The following GRIP1 variants were observed in gnomAD, a reference collection of about 807,000 sequenced individuals.
GRIP1 encodes the protein glutamate receptor-interacting protein 1.
Under a neutral mutation model 129.9 loss-of-function variants are expected in GRIP1, and 45 were observed. The ratio of observed to expected loss-of-function variants is 0.35; its 90% confidence interval spans 0.27 to 0.44. The LOEUF (loss-of-function observed/expected upper bound fraction) is 0.44. GRIP1 is among the 20% of genes least tolerant of loss of function. The pLI is 1.00. For synonymous variants in GRIP1, 530 were observed against 520.8 expected (o/e 1.02, Z -0.24); for missense variants, 1,196 against 1,396.8 (o/e 0.86, Z 2.29).
chr12:66,581,272 G>T (rs76851037), intron 2 of GRIP1, among the ~76,000 whole-genome samples: 36,083 of 149,516 alleles, frequency 0.24, 4,443 homozygotes, highest in Admixed American at 0.27. Flanking sequence ...GAGGGAAATT[G>T]ATAGCACTAA....
chr12:66,450,165 G>A (rs944110541), intron 11 of GRIP1, among the ~76,000 whole-genome samples: 8 of 151,692 alleles, frequency 5.3e-5, no homozygotes, highest in South Asian at 2.1e-4. Flanking sequence ...TTAGCCGGGC[G>A]TGGTGGCAGG....
At chr12:66,493,351 A>G (rs541070222) in intron 7 of GRIP1, among the ~76,000 whole-genome samples, 1 of 152,276 alleles carries the variant, frequency 6.6e-6, no homozygotes, top group South Asian at 2.1e-4. Flanking sequence ...CTAATATTCA[A>G]TTATTGTGTG....
At chr12:66,436,588 A>T (rs547960124) in intron 13 of GRIP1, among the ~76,000 whole-genome samples, 1 of 152,318 alleles carries the variant, frequency 6.6e-6, no homozygotes, top group East Asian at 1.9e-4. Flanking sequence ...AAAAAATTTA[A>T]ACATATTTAT....
chr12:66,679,609 G>A (rs1309985206), upstream of GRIP1, among the ~76,000 whole-genome samples: 1 of 152,026 alleles, frequency 6.6e-6, no homozygotes, highest in East Asian at 1.9e-4. Flanking sequence ...TGTTTATAGA[G>A]GGAATACAAG....
At chr12:66,631,585 A>G (rs900902280) in intron 1 of GRIP1, among the ~76,000 whole-genome samples, 6 of 151,742 alleles carry the variant, frequency 4.0e-5, no homozygotes, top group Non-Finnish European at 5.9e-5. Flanking sequence ...TTTAGCAAGC[A>G]TTAAGAAGAT....
Position 66,432,556 on chromosome 12 carries a change from G to T in GRIP1, c.1760C>A (p.Thr587Asn). The T allele has an allele frequency of 6.4e-7, 1 of 1,573,234 alleles. No individual in the cohort carries two copies. Residue 587 changes from threonine (T) to asparagine (N), a missense_variant, in exon 14 of 25, where the codon ACC becomes AAC. Physicochemically the swap from Thr to Asn is moderately conservative, Grantham distance 65 (BLOSUM62 0). Transcript: ENST00000359742. ...AAATAACTTCTACTTACAACTTATG[G>T]TTATTCCAAGTTCCACATTGTGCTT... The part of the protein sequence containing the change: ...PKKHNVELGI[T>N]ISSPSSRKPG...
At chr12:67,013,320 G>A (rs1342594199) in intron 1 of GRIP1, among the ~76,000 whole-genome samples, 3 of 152,062 alleles carry the variant, frequency 2.0e-5, no homozygotes, top group East Asian at 3.8e-4. Context: ...CTTCAAATAG[G>A]TTATCTATCT....
At chr12:66,730,452 G>C (rs2036397658) in intron 1 of GRIP1, among the ~76,000 whole-genome samples, 1 of 151,970 alleles carries the variant, frequency 6.6e-6, no homozygotes, top group African/African-American at 2.4e-5. Flanking sequence ...ATCATTTATT[G>C]CTTAAGTTTA....
intron 1 of GRIP1, among the ~76,000 whole-genome samples, chr12:66,895,830 T>C (rs2040738507): frequency 6.6e-6 from 1 of 152,210 alleles, no homozygotes; most frequent in African/African-American, 2.4e-5. Context: ...ATCATATTTT[T>C]AAAAGCAACA....
intron 1 of GRIP1, among the ~76,000 whole-genome samples, chr12:66,955,066 C>A (rs1376750720): frequency 2.0e-5 from 3 of 152,074 alleles, no homozygotes; most frequent in Middle Eastern, 3.2e-3. Context: ...GATATCTTTT[C>A]ATGAACAACT....
At chr12:66,886,286 T>A (rs1319872729) in intron 1 of GRIP1, among the ~76,000 whole-genome samples, 1 of 151,910 alleles carries the variant, frequency 6.6e-6, no homozygotes, top group African/African-American at 2.4e-5. Flanking sequence ...AAACAAAGAT[T>A]ATCCCCAAAT....
intron 1 of GRIP1, among the ~76,000 whole-genome samples, chr12:66,742,391 T>C (rs913817864): frequency 8.5e-5 from 13 of 152,146 alleles, no homozygotes; most frequent in Non-Finnish European, 1.9e-4. Flanking sequence ...CAGTATAAAT[T>C]GCTACACGCA....
At chr12:66,510,966 T>C (rs1452577219) in intron 7 of GRIP1, among the ~76,000 whole-genome samples, 1 of 152,164 alleles carries the variant, frequency 6.6e-6, no homozygotes, top group African/African-American at 2.4e-5. Flanking sequence ...CACATGCTGA[T>C]CAGAATGGTT....
At chr12:67,002,195 C>A (rs1047683498) in intron 1 of GRIP1, among the ~76,000 whole-genome samples, 4 of 152,170 alleles carry the variant, frequency 2.6e-5, no homozygotes, top group Non-Finnish European at 5.9e-5. Flanking sequence ...ATAGATGCAA[C>A]TAATTTTTAT....
At chr12:66,651,446 G>A (rs917408318) in intron 1 of GRIP1, among the ~76,000 whole-genome samples, 2 of 152,216 alleles carry the variant, frequency 1.3e-5, no homozygotes, top group African/African-American at 4.8e-5. Flanking sequence ...TTCTCCCGAT[G>A]TCATTTAGCT....
At chr12:67,011,991 GT>G (rs1394369993) in intron 1 of GRIP1, among the ~76,000 whole-genome samples, 2 of 152,150 alleles carry the variant, frequency 1.3e-5, no homozygotes, top group Non-Finnish European at 2.9e-5. Context: ...ACAGATCTCT[GT>G]ACTAGACTCT....
chr12:66,610,727 T>G (rs921480344), intron 1 of GRIP1, among the ~76,000 whole-genome samples: 3 of 152,118 alleles, frequency 2.0e-5, no homozygotes, highest in African/African-American at 7.2e-5. Context: ...CAATGCCAGG[T>G]TCACAGCTTG....
intron 1 of GRIP1, among the ~76,000 whole-genome samples, chr12:66,949,158 T>C (rs2041716207): frequency 6.6e-6 from 1 of 152,210 alleles, no homozygotes; most frequent in Non-Finnish European, 1.5e-5. Context: ...GTTTTGTGTA[T>C]GAAACTTCGG....
rs1012119474 is a variant in GRIP1 at position 66,761,047 on chromosome 12, G to A, written c.-420+43006C>T. ...TAGTCCATGCCTCTCAACTGACTTCGCAAAATGGTCTCTGCTTTCTTGCCT... is the reference window on the plus strand; with the variant it reads ...TAGTCCATGCCTCTCAACTGACTTCACAAAATGGTCTCTGCTTTCTTGCCT... On this transcript the variant is annotated intron_variant, in intron 1 of 4. Coordinates refer to the GRIP1 transcript ENST00000538373. Among the ~76,000 whole-genome samples the A allele has an allele frequency of 2.6e-5, 4 of 152,002 alleles. No individual in the cohort carries two copies. The South Asian group carries it at 8.3e-4, about 32-fold the overall frequency.
Sources: allele counts gnomAD v4.1 joint callset (sites outside exome capture counted in the v4.1 genomes callset), GRCh38; gene constraint gnomAD v4.1.1; transcripts MANE v1.5; gene names NCBI Gene and HGNC (gene_info 2026-07-23, HGNC 2026-07-21).